The following CDKL2 variants were observed in gnomAD, a reference collection of about 807,000 sequenced individuals.
The protein encoded by CDKL2 is cyclin-dependent kinase-like 2.
Under a neutral mutation model 63.9 loss-of-function variants are expected in CDKL2, and 64 were observed. That is an observed-to-expected ratio of 1.00 (90% CI 0.82 to 1.23). The LOEUF is 1.23. Ranked by LOEUF, CDKL2 falls within the 50% of genes most tolerant of loss-of-function variation. The pLI is 0.00. For missense variants in CDKL2, 656 were observed against 668.0 expected, an observed-to-expected ratio of 0.98 and a Z score of 0.20; for synonymous variants, 211 against 229.2, an observed-to-expected ratio of 0.92 and a Z score of 0.72.
At chr4:75,628,327 G>A (rs999522126) in intron 1 of CDKL2, among the ~76,000 whole-genome samples, 4 of 152,056 alleles carry the variant, frequency 2.6e-5, no homozygotes, top group African/African-American at 9.7e-5. Flanking sequence ...GTGTTAGCCA[G>A]GATTGTATCG....
At chr4:75,608,122 CTT>C (rs34604898) in intron 3 of CDKL2, among the ~76,000 whole-genome samples, 4 of 88,116 alleles carry the variant, frequency 4.5e-5, no homozygotes, top group Admixed American at 1.7e-4. Flanking sequence ...GGCCAAAAAC[CTT>C]TTTTTTTTTT....
chr4:75,583,928 TG>T (rs1330247458), intron 12 of CDKL2, among the ~76,000 whole-genome samples: 1 of 152,116 alleles, frequency 6.6e-6, no homozygotes, highest in Non-Finnish European at 1.5e-5. Context: ...AATAAAAAGA[TG>T]GGACTAGATT....
chr4:75,583,825 A>T (rs1027870229), intron 12 of CDKL2, among the ~76,000 whole-genome samples: 1 of 152,238 alleles, frequency 6.6e-6, no homozygotes, highest in Non-Finnish European at 1.5e-5. Context: ...CACTAAAAAA[A>T]ATATAAAAAG....
chr4:75,616,700 CAA>C (rs765649411), intron 2 of CDKL2, among the ~76,000 whole-genome samples: 41 of 70,388 alleles, frequency 5.8e-4, no homozygotes, highest in Non-Finnish European at 6.2e-4. Context: ...ACTCCATCTC[CAA>C]AAAAAAAAAA....
intron 2 of CDKL2, among the ~76,000 whole-genome samples, chr4:75,619,159 C>G (rs1295544819): frequency 6.6e-6 from 1 of 152,080 alleles, no homozygotes; most frequent in Non-Finnish European, 1.5e-5. Flanking sequence ...TTGTATCAGA[C>G]AGAAACCAGA....
chr4:75,611,653 CTTT>C (rs1014442944), intron 3 of CDKL2, among the ~76,000 whole-genome samples: 3 of 134,474 alleles, frequency 2.2e-5, no homozygotes, highest in African/African-American at 2.7e-5. Flanking sequence ...AGGGAACCAC[CTTT>C]TTTTTTTTTT....
intron 10 of CDKL2, among the ~76,000 whole-genome samples, chr4:75,595,921 T>C (rs1328253046): frequency 3.0e-5 from 4 of 131,346 alleles, no homozygotes; most frequent in Non-Finnish European, 4.6e-5. Context: ...AGAGCAAGAC[T>C]CCATGAAAAA....
Position 75,581,922 on chromosome 4 carries a change from A to G in CDKL2, c.1648-24T>C, listed in dbSNP as rs115402572. The stretch of plus-strand genomic sequence containing the variant: ...ACCTATAAATTAATAATAGAGCATC[A>G]TAGGTTCTCAGTAATTGCAAAAGTT... On this transcript the variant is annotated intron_variant, in intron 12 of 13. Transcript: ENST00000307465. 76 of 1,532,734 alleles carry G rather than the reference A, an allele frequency of 5.0e-5. No individual in the cohort carries two copies. In the African/African-American group the frequency reaches 9.7e-4, roughly 20 times the overall value. The allele number at this position is 1,532,734 out of a possible 1,614,324, so 94.9% of individuals were successfully genotyped here.
intron 10 of CDKL2, 196 bp downstream of exon 10, chr4:75,596,051 T>G: frequency 2.7e-6 from 1 of 371,514 alleles, no homozygotes. Flanking sequence ...GAAGGAGTTT[T>G]TAGACTCATA....
Position 75,592,275 on chromosome 4 carries a change from A to G in CDKL2, c.1417-6T>C. 3 of 1,521,606 alleles carry G rather than the reference A, an allele frequency of 2.0e-6. No individual in the cohort carries two copies. Among genetic ancestry groups the G allele is most frequent in the Non-Finnish European group, 2.6e-6 (3 of 1,142,714 alleles). The allele number at this position is 1,521,606 out of a possible 1,614,324, so 94.3% of individuals were successfully genotyped here. A position where few individuals can be genotyped will look rare whatever the true frequency, so the allele number is the denominator to read the frequency against. On this transcript the variant is annotated splice_polypyrimidine_tract_variant and splice_region_variant and intron_variant, in intron 10 of 13. Transcript: ENST00000307465. Reference sequence around the variant, plus strand: ...AGGTTTTTTTCACTAGAGACCTAATATCATCAACATAGTCAACAAAAAAGA... The same window carrying G: ...AGGTTTTTTTCACTAGAGACCTAATGTCATCAACATAGTCAACAAAAAAGA...
At position 75,600,349 on chromosome 4, in the gene CDKL2, G is replaced by C; in HGVS notation, c.816C>G (p.Pro272=). 5 of 1,611,988 alleles carry C rather than the reference G, an allele frequency of 3.1e-6. No homozygotes were observed. Among genetic ancestry groups the C allele is most frequent in the Non-Finnish European group, 4.2e-6 (5 of 1,178,414 alleles). ...DLAKKCLHID[P]DKRPFCAELL... is the part of the protein sequence containing the mutation. ...GCTCAGCACAGAAGGGTCTTTTGTC[G>C]GGGTCAATATGTAAGCATTTCTGAA... is the stretch of plus-strand genomic sequence containing the variant. Residue 272 remains proline (P), a synonymous_variant, in exon 7 of 14, where the codon CCC becomes CCG. Transcript: ENST00000307465.
intron 10 of CDKL2, among the ~76,000 whole-genome samples, chr4:75,595,714 G>A (rs975979380): frequency 6.6e-5 from 10 of 151,966 alleles, no homozygotes; most frequent in African/African-American, 2.2e-4. Context: ...GGTGGATCAC[G>A]AGGTCAGGAG....
intron 3 of CDKL2, 99 bp from the exon 4 acceptor site, chr4:75,607,460 C>G: frequency 1.2e-6 from 1 of 867,118 alleles, no homozygotes; most frequent in South Asian, 2.7e-5. Flanking sequence ...ATAAAGAATA[C>G]AAACAAAAGC....
In CDKL2 at chr4:75,591,852, A is replaced by T. The variant is rs376053069; in HGVS notation, c.1614T>A (p.Ile538=). The change falls in exon 12 of 14, where the codon ATT becomes ATA. Residue 538 remains isoleucine (I), a synonymous_variant. Coordinates refer to ENST00000307465, the MANE Select transcript of CDKL2 (RefSeq NM_001330724.2). The stretch of plus-strand genomic sequence containing the variant: ...ATGTAATACTGGGGGTGTGCAGGTC[A>T]ATAGCAGCCAGAGAAGGAATTCGAG... ...SESRIPSLAA[I]DLHTPSITLH... The T allele has an allele frequency of 2.6e-6, 4 of 1,535,992 alleles. No individual in the cohort carries two copies. The highest frequency in any genetic ancestry group is 2.4e-5 in the East Asian group (1 of 40,892).
At position 75,614,273 on chromosome 4, in the gene CDKL2, T is replaced by C; in HGVS notation, c.345A>G (p.Gly115=). The change falls in exon 3 of 14, where the codon GGA becomes GGG. Residue 115 remains glycine, a synonymous_variant. Transcript: ENST00000307465. The part of the protein sequence containing the change: ...KYLFQIINGI[G]FCHSHNIIHR... ...TACTTACATTGTGACTGTGACAAAATCCAATTCCATTAATAATCTGAAACA... is the reference window on the plus strand; with the variant it reads ...TACTTACATTGTGACTGTGACAAAACCCAATTCCATTAATAATCTGAAACA... 6.2e-7 allele frequency: 1 copy of C among 1,604,260 alleles called. No individual in the cohort carries two copies. Among genetic ancestry groups the C allele is most frequent in the South Asian group, 1.1e-5 (1 of 88,856 alleles).
intron 2 of CDKL2, among the ~76,000 whole-genome samples, chr4:75,615,668 C>G (rs1294411485): frequency 6.6e-6 from 1 of 152,160 alleles, no homozygotes; most frequent in African/African-American, 2.4e-5. Context: ...CAACAATGCA[C>G]AAATGATATA....
chr4:75,593,359 T>TG (rs1217033842), intron 10 of CDKL2, among the ~76,000 whole-genome samples: 1 of 151,796 alleles, frequency 6.6e-6, no homozygotes, highest in Non-Finnish European at 1.5e-5. Flanking sequence ...CACATCAGAA[T>TG]GGGGGCATAA....
At chr4:75,612,515 T>G (rs1007529091) in intron 3 of CDKL2, among the ~76,000 whole-genome samples, 5 of 152,192 alleles carry the variant, frequency 3.3e-5, no homozygotes, top group African/African-American at 1.2e-4. Context: ...AAGCCTATCC[T>G]TAGTACAGAG....
intron 13 of CDKL2, among the ~76,000 whole-genome samples, chr4:75,580,709 CT>C (rs1464734360): frequency 1.1e-5 from 1 of 94,358 alleles, no homozygotes; most frequent in Admixed American, 1.0e-4. Context: ...TTTTTTTTTT[CT>C]TTTTTTTTGA....
Sources: allele counts gnomAD v4.1 joint callset (sites outside exome capture counted in the v4.1 genomes callset), GRCh38; gene constraint gnomAD v4.1.1; transcripts MANE v1.5; gene names NCBI Gene and HGNC (gene_info 2026-07-23, HGNC 2026-07-21).